Variants in ADGRF3 observed in about 807,000 individuals in gnomAD.
The protein encoded by ADGRF3 is adhesion G protein-coupled receptor F3, also known as G protein-coupled receptor 113.
Under a neutral mutation model 93.2 loss-of-function variants are expected in ADGRF3, and 85 were observed. The ratio of observed to expected loss-of-function variants is 0.91; its 90% CI spans 0.77 to 1.09. ADGRF3 has a LOEUF of 1.09. ADGRF3 is among the 50% of genes least tolerant of loss of function. ADGRF3 has a pLI of 0.00. For synonymous variants in ADGRF3, 534 were observed against 532.5 expected, an observed-to-expected ratio of 1.00 and a Z score of -0.04; for missense variants, 1,125 against 1,246.2, an observed-to-expected ratio of 0.90 and a Z score of 1.46.
At chr2:26,327,271 A>G (rs906551397) in intron 1 of ADGRF3, among the ~76,000 whole-genome samples, 5 of 152,248 alleles carry the variant, frequency 3.3e-5, no homozygotes, top group African/African-American at 9.6e-5. Flanking sequence ...CTGAGCTCCA[A>G]GGAAAAGTAA....
At chr2:26,329,834 C>T (rs1010277946) in intron 1 of ADGRF3, among the ~76,000 whole-genome samples, 12 of 152,220 alleles carry the variant, frequency 7.9e-5, no homozygotes, top group Admixed American at 2.6e-4. Flanking sequence ...AAACAGTGTT[C>T]ACATTTACTT....
chr2:26,329,234 C>G (rs1413374415), intron 1 of ADGRF3, among the ~76,000 whole-genome samples: 1 of 152,130 alleles, frequency 6.6e-6, no homozygotes, highest in South Asian at 2.1e-4. Context: ...CTCGTGGGCT[C>G]AAGTGAGCCT....
intron 1 of ADGRF3, among the ~76,000 whole-genome samples, chr2:26,324,524 C>G (rs943327274): frequency 9.9e-5 from 15 of 151,978 alleles, no homozygotes; most frequent in Non-Finnish European, 1.6e-4. Flanking sequence ...CTGTATGTGT[C>G]CATGTGTTTT....
chr2:26,346,443 GGGGTCGGGGAGCGT>G lies in ADGRF3; in HGVS notation c.-223_-210del. ...GAGGTCCTGCGGGTCCTGGGGATTG[GGGGTCGGGGAGCGT>G]GGGAGCATCCTAAGCCCGCCGCCCG... On this transcript the variant is annotated 5_prime_UTR_variant, in exon 1 of 14. The change creates a premature stop within an existing upstream ORF in the 5' untranslated region. Coordinates refer to ENST00000651242, the MANE Select transcript of ADGRF3 (RefSeq NM_001321971.2). The G allele has an allele frequency of 1.1e-6, 1 of 942,362 alleles. No homozygotes were observed. Among genetic ancestry groups the G allele is most frequent in the African/African-American group, 1.7e-5 (1 of 57,202 alleles). 58.4% of individuals were successfully genotyped at this position (942,362 alleles called of 1,614,324 possible). A position where few individuals can be genotyped will look rare whatever the true frequency, so the allele number is the denominator to read the frequency against.
At chr2:26,343,041 T>C (rs1419828145) in intron 1 of ADGRF3, among the ~76,000 whole-genome samples, 1 of 152,244 alleles carries the variant, frequency 6.6e-6, no homozygotes, top group African/African-American at 2.4e-5. Flanking sequence ...CATAATTATA[T>C]GTGCTATACT....
chr2:26,323,231 T>C, intron 1 of ADGRF3, among the ~76,000 whole-genome samples: 1 of 152,196 alleles, frequency 6.6e-6, no homozygotes, highest in East Asian at 1.9e-4. Context: ...ACCCACAGGC[T>C]GAATCAGGTC....
In ADGRF3 at chr2:26,310,719, G is replaced by A. The variant is rs62130495; in HGVS notation, c.2805C>T (p.Tyr935=). 1.2e-6 allele frequency: 2 copies of A among 1,612,578 alleles called. No homozygotes were observed. The highest frequency in any genetic ancestry group is 1.1e-5 in the South Asian group (1 of 90,750). The change falls in exon 10 of 14, where the codon TAC becomes TAT. Residue 935 remains tyrosine (Y), a synonymous_variant. Coordinates refer to ENST00000651242, the MANE Select transcript of ADGRF3 (RefSeq NM_001321971.2). The part of the protein sequence containing the change: ...LLEEVSTVPH[Y]IFTILNTLQG... ...GGAGGGTGTTGAGAATGGTGAAGAT[G>A]TAATGAGGGACCGTGGAGACTTCCT...
chr2:26,343,690 G>A (rs1343902603), intron 1 of ADGRF3, among the ~76,000 whole-genome samples: 2 of 152,136 alleles, frequency 1.3e-5, no homozygotes, highest in Non-Finnish European at 2.9e-5. Flanking sequence ...TGATCCGCCC[G>A]ACTCGGCCTT....
At chr2:26,315,222 G>T (rs1674544919) in intron 5 of ADGRF3, among the ~76,000 whole-genome samples, 1 of 152,208 alleles carries the variant, frequency 6.6e-6, no homozygotes, top group Admixed American at 6.5e-5. Context: ...TAGGACAATA[G>T]TTGTGACTTT....
chr2:26,313,825 G>C lies in ADGRF3; in HGVS notation c.1007C>G (p.Ala336Gly). ...QRCPMADTTY[A>G]CDLQSLGLAP... ...CAGGCCCAGGCTCTGCAGGTCACAAGCGTACGTGGTGTCAGCCATCGGGCA... is the reference window on the plus strand; with the variant it reads ...CAGGCCCAGGCTCTGCAGGTCACAACCGTACGTGGTGTCAGCCATCGGGCA... Residue 336 changes from alanine (A) to glycine (G), a missense_variant, in exon 7 of 14, where the codon GCT becomes GGT. By Grantham distance (60) the Ala-to-Gly change is moderately conservative. Coordinates refer to ENST00000651242, the MANE Select transcript of ADGRF3 (RefSeq NM_001321971.2). The C allele has an allele frequency of 6.2e-7, 1 of 1,614,032 alleles. No homozygotes were observed. The highest frequency in any genetic ancestry group is 8.5e-7 in the Non-Finnish European group (1 of 1,179,890).
intron 1 of ADGRF3, among the ~76,000 whole-genome samples, chr2:26,327,828 T>A (rs1196811755): frequency 6.7e-6 from 1 of 149,838 alleles, no homozygotes; most frequent in Non-Finnish European, 1.5e-5. Context: ...ATAAACGTCT[T>A]CTTTTAAAAA....
At chr2:26,344,779 C>A (rs1676604948) in intron 1 of ADGRF3, among the ~76,000 whole-genome samples, 1 of 152,048 alleles carries the variant, frequency 6.6e-6, no homozygotes, top group Non-Finnish European at 1.5e-5. Context: ...TGCAGTGAGC[C>A]GTGATCACGT....
chr2:26,337,694 T>C (rs1428000108), intron 1 of ADGRF3, among the ~76,000 whole-genome samples: 1 of 152,228 alleles, frequency 6.6e-6, no homozygotes, highest in African/African-American at 2.4e-5. Flanking sequence ...TGTGAAGAGC[T>C]GTTTCCATAC....
intron 1 of ADGRF3, among the ~76,000 whole-genome samples, chr2:26,339,755 A>T (rs1676267445): frequency 6.6e-6 from 1 of 152,158 alleles, no homozygotes; most frequent in African/African-American, 2.4e-5. Context: ...AGATAGGCAG[A>T]CCAAGCCTGG....
Position 26,315,589 on chromosome 2 carries a change from C to A in ADGRF3, c.651G>T (p.Gln217His). ...GGCCGTGGCTGGAAGTCACAGACAC[C>A]TGTGTCCCTGGCTGCAGGAGGATGG... ...PSPILLQPGT[Q>H]VSVTSSHGQA... is the part of the protein sequence containing the mutation. The change falls in exon 5 of 14, where the codon CAG becomes CAT. Residue 217 changes from glutamine (Q) to histidine (H), a missense_variant. By Grantham distance (24) the Gln-to-His change is conservative. Transcript: ENST00000651242. 1 of 1,551,616 alleles carries A rather than the reference C, an allele frequency of 6.4e-7. No homozygotes were observed. Among genetic ancestry groups the A allele is most frequent in the South Asian group, 1.2e-5 (1 of 84,054 alleles).
intron 1 of ADGRF3, among the ~76,000 whole-genome samples, chr2:26,321,640 A>G (rs1035833616): frequency 1.3e-5 from 2 of 152,136 alleles, no homozygotes; most frequent in Non-Finnish European, 2.9e-5. Context: ...ATCCATCAGC[A>G]TGAACACTGA....
intron 1 of ADGRF3, among the ~76,000 whole-genome samples, chr2:26,338,687 C>T (rs1163732597): frequency 1.3e-5 from 2 of 152,122 alleles, no homozygotes; most frequent in Non-Finnish European, 2.9e-5. Context: ...GTCTCAAACT[C>T]CCGATCTCAG....
intron 1 of ADGRF3, among the ~76,000 whole-genome samples, chr2:26,325,766 A>G (rs1469877972): frequency 6.6e-6 from 1 of 152,194 alleles, no homozygotes; most frequent in African/African-American, 2.4e-5. Context: ...TTAAGGCATA[A>G]TTCAGGGTTA....
chr2:26,310,114 G>A lies in ADGRF3; in HGVS notation c.2875-9C>T, dbSNP rs756114280. The stretch of plus-strand genomic sequence containing the variant: ...CGCAAAGCTTCTTGTATCTGCGGGA[G>A]AGGTAAATGCTCTGCTTATGCCAGC... On this transcript the variant is annotated splice_polypyrimidine_tract_variant and intron_variant, in intron 11 of 13. Transcript: ENST00000651242. The A allele has an allele frequency of 1.4e-5, 23 of 1,613,954 alleles. No individual in the cohort carries two copies. The highest frequency in any genetic ancestry group is 1.9e-5 in the Non-Finnish European group (22 of 1,179,914).
Sources: gnomAD v4.1 joint callset for allele counts (sites outside exome capture counted in the v4.1 genomes callset) on GRCh38, gnomAD v4.1.1 for gene constraint, MANE v1.5 for transcripts, NCBI Gene and HGNC (gene_info 2026-07-23, HGNC 2026-07-21) for gene names.